The following HSPG2 variants were observed in gnomAD, a reference collection of about 807,000 sequenced individuals.
HSPG2 encodes basement membrane-specific heparan sulfate proteoglycan core protein.
Under a neutral mutation model 526.6 loss-of-function variants are expected in HSPG2, and 278 were observed. The ratio of observed to expected loss-of-function variants is 0.53; its 90% CI spans 0.48 to 0.58. HSPG2 has a LOEUF of 0.58. Ranked by LOEUF, HSPG2 falls within the 20% of genes least tolerant of loss-of-function variation. HSPG2 has a pLI of 0.00. For missense variants in HSPG2, 5,354 were observed against 6,099.5 expected (o/e 0.88, Z 4.07); for synonymous variants, 2,465 against 2,555.4 (o/e 0.96, Z 1.07).
rs776544461 is a variant in HSPG2, at chr1:21,857,301, C to T, written c.5378G>A (p.Cys1793Tyr). The change falls in exon 43 of 97, where the codon TGC becomes TAC. Residue 1793 changes from cysteine (C) to tyrosine (Y), a missense_variant. By Grantham distance (194) the Cys-to-Tyr change is radical (BLOSUM62 -2). Coordinates refer to ENST00000374695, the MANE Select transcript of HSPG2 (RefSeq NM_005529.7). ...CCTGCACACCTTGCTTTTGGCTGTG[C>T]AGATGAAGGTGACGTCAGCTCCGGG... ...VRPGADVTFI[C>Y]TAKSKSPAYT... is the part of the protein sequence containing the mutation. 5 of 1,614,112 alleles carry T rather than the reference C, an allele frequency of 3.1e-6. No individual in the cohort carries two copies. The highest frequency in any genetic ancestry group is 4.2e-6 in the Non-Finnish European group (5 of 1,180,014).
At position 21,887,362 on chromosome 1, in the gene HSPG2, A is replaced by G; in HGVS notation, c.959-28T>C. ...AGGAGACCGGGCAGGGGTCAGCAGCATCCTCCCGGGCCAGCTTCCTGCTCC... is the reference window on the plus strand; with the variant it reads ...AGGAGACCGGGCAGGGGTCAGCAGCGTCCTCCCGGGCCAGCTTCCTGCTCC... On this transcript the variant is annotated intron_variant, in intron 8 of 96. Transcript: ENST00000374695. This position sits in a 1 kb window ranked among gnomAD's most constrained non-coding sequence, Gnocchi z 5.0. The G allele has an allele frequency of 1.9e-6, 3 of 1,613,814 alleles. No individual in the cohort carries two copies. The highest frequency in any genetic ancestry group is 2.5e-6 in the Non-Finnish European group (3 of 1,179,906).
chr1:21,837,268 G>A (rs1203293572), intron 74 of HSPG2, among the ~76,000 whole-genome samples: 1 of 152,190 alleles, frequency 6.6e-6, no homozygotes, highest in Non-Finnish European at 1.5e-5. Flanking sequence ...GGCAGGCCAC[G>A]AAAAGAGTGG....
chr1:21,829,336 C>T, intron 87 of HSPG2, 47 bp downstream of exon 87: 1 of 1,581,540 alleles, frequency 6.3e-7, no homozygotes, highest in Non-Finnish European at 8.7e-7. Context: ...CCGAGGGGGG[C>T]ACAAGGCTTG....
chr1:21,915,481 T>C (rs763455271), intron 1 of HSPG2, among the ~76,000 whole-genome samples: 4 of 151,948 alleles, frequency 2.6e-5, no homozygotes, highest in African/African-American at 4.8e-5. Flanking sequence ...ATGGGTGTGG[T>C]CAGGCAAAGG....
At chr1:21,910,279 A>T (rs1372816976) in intron 1 of HSPG2, among the ~76,000 whole-genome samples, 1 of 152,106 alleles carries the variant, frequency 6.6e-6, no homozygotes, top group Admixed American at 6.5e-5. Flanking sequence ...ACCTTCCTGA[A>T]ATTGTTCCTG....
In HSPG2 at chr1:21,841,276, G is replaced by T; in HGVS notation, c.9338C>A (p.Thr3113Lys). 6.2e-7 allele frequency: 1 copy of T among 1,613,740 alleles called. No homozygotes were observed. The highest frequency in any genetic ancestry group is 8.5e-7 in the Non-Finnish European group (1 of 1,180,000). ...VVNLSVHGPP[T>K]VSVLPEGPVW... is the part of the protein sequence containing the mutation. ...GGGGCCCTCGGGGAGCACGGACACT[G>T]TAGGGGGCCCTGTGCGGAGGAATGA... Residue 3113 changes from threonine to lysine, a missense_variant, in exon 71 of 97, where the codon ACA becomes AAA. Transcript: ENST00000374695.
In HSPG2 at chr1:21,844,131, T is replaced by G. The variant is rs1242774600; in HGVS notation, c.8616+17A>C. On this transcript the variant is annotated intron_variant, in intron 65 of 96. Transcript: ENST00000374695. ...GCAGGTGTGGAGGATGCATGCATCC[T>G]TCTCCAGCTCCTTTACCTGGTGCCG... 1.2e-6 allele frequency: 2 copies of G among 1,612,122 alleles called. No individual in the cohort carries two copies. Among genetic ancestry groups the G allele is most frequent in the African/African-American group, 2.7e-5 (2 of 74,914 alleles).
intron 1 of HSPG2, among the ~76,000 whole-genome samples, chr1:21,911,596 G>A (rs1643685129): frequency 6.6e-6 from 1 of 152,244 alleles, no homozygotes; most frequent in African/African-American, 2.4e-5. Context: ...GGGAAGCCTG[G>A]GTGGAGAGGC....
chr1:21,872,994 G>A lies in HSPG2; in HGVS notation c.3888+3C>T. The A allele has an allele frequency of 1.2e-6, 2 of 1,611,088 alleles. No homozygotes were observed. Among genetic ancestry groups the A allele is most frequent in the Non-Finnish European group, 1.7e-6 (2 of 1,179,380 alleles). On this transcript the variant is annotated splice_donor_region_variant and intron_variant, in intron 31 of 96. Coordinates refer to ENST00000374695, the MANE Select transcript of HSPG2 (RefSeq NM_005529.7). The surrounding 1 kb of genome is among the most constrained non-coding windows in gnomAD (Gnocchi z 5.5). ...CCCCGCAGGGACAGGGATTCGGACT[G>A]ACCTTGCACTGGCACTGACCAGCAG... is the stretch of plus-strand genomic sequence containing the variant.
chr1:21,924,527 G>T (rs1387583847), intron 1 of HSPG2, among the ~76,000 whole-genome samples: 3 of 151,934 alleles, frequency 2.0e-5, no homozygotes, highest in Non-Finnish European at 4.4e-5. Context: ...AAGAACTCAG[G>T]GTCCCTTTCT....
chr1:21,834,743 C>T lies in HSPG2; in HGVS notation c.10656G>A (p.Gln3552=). 2 of 1,614,200 alleles carry T rather than the reference C, an allele frequency of 1.2e-6. No homozygotes were observed. The highest frequency in any genetic ancestry group is 2.2e-5 in the South Asian group (2 of 91,086). The change falls in exon 77 of 97, where the codon CAG becomes CAA. Residue 3552 remains glutamine, a synonymous_variant. Transcript: ENST00000374695. ...IAHVELADAG[Q]YRCTATNAAG... is the part of the protein sequence containing the mutation. Reference sequence around the variant, plus strand: ...CTGCGTTGGTGGCAGTGCAGCGATACTGTCCCGCATCAGCCAGCTCTACGT... The same window carrying T: ...CTGCGTTGGTGGCAGTGCAGCGATATTGTCCCGCATCAGCCAGCTCTACGT...
At chr1:21,873,789 G>A in intron 29 of HSPG2, 136 bp downstream of exon 29, 1 of 724,302 alleles carries the variant, frequency 1.4e-6, no homozygotes, top group Non-Finnish European at 2.3e-6. Context: ...GGAGCTGACT[G>A]TCTTCTGGGG....
rs768568677 is a variant in HSPG2 at position 21,876,353 on chromosome 1, C to T, written c.2879G>A (p.Ser960Asn). 3.4e-5 allele frequency: 55 copies of T among 1,613,454 alleles called. No homozygotes were observed. The highest frequency in any genetic ancestry group is 3.1e-5 in the Non-Finnish European group (36 of 1,179,836). ...PGHFSLTNAASTHTTNEGIFS... is the reference protein window; with the variant it reads ...PGHFSLTNAANTHTTNEGIFS... ...GATGCCCTCGTTGGTGGTGTGGGTG[C>T]TTGCGGCGTTGGTCAGGCTGAAGTG... Residue 960 changes from serine to asparagine, a missense_variant, in exon 23 of 97, where the codon AGC becomes AAC. Ser to Asn is a conservative substitution (Grantham distance 46, BLOSUM62 1). Coordinates refer to ENST00000374695, the MANE Select transcript of HSPG2 (RefSeq NM_005529.7).
At position 21,875,755 on chromosome 1, in the gene HSPG2, G is replaced by A. The variant is rs2152748424; in HGVS notation, c.3184-8C>T. On this transcript the variant is annotated splice_region_variant and splice_polypyrimidine_tract_variant and intron_variant, in intron 24 of 96. Coordinates refer to ENST00000374695, the MANE Select transcript of HSPG2 (RefSeq NM_005529.7). Reference sequence around the variant, plus strand: ...GGGCCGCTGCCATGCTTGCTGCCAAGGAGAGGACACATGTGCTCAGCCCCT... The same window carrying A: ...GGGCCGCTGCCATGCTTGCTGCCAAAGAGAGGACACATGTGCTCAGCCCCT... 1 of 1,605,878 alleles carries A rather than the reference G, an allele frequency of 6.2e-7. No homozygotes were observed. Among genetic ancestry groups the A allele is most frequent in the East Asian group, 2.2e-5 (1 of 44,886 alleles).
intron 70 of HSPG2, 73 bp from the exon 71 acceptor site, chr1:21,841,358 G>T: frequency 6.3e-7 from 1 of 1,593,142 alleles, no homozygotes; most frequent in East Asian, 2.2e-5. Context: ...ATGGCCTCCA[G>T]CTTAGTAACT....
At chr1:21,830,738 T>A in intron 85 of HSPG2, 2 of 384,072 alleles carry the variant, frequency 5.2e-6, no homozygotes, top group South Asian at 3.8e-5. Flanking sequence ...GGGGAGTGCC[T>A]GGGTGGCGGG....
rs373137902 is a variant in HSPG2, at chr1:21,885,443, G to A, written c.1087C>T (p.Arg363Cys). 1.4e-5 allele frequency: 22 copies of A among 1,613,874 alleles called. No homozygotes were observed. Among genetic ancestry groups the A allele is most frequent in the Admixed American group, 3.3e-5 (2 of 59,994 alleles). The change falls in exon 10 of 97, where the codon CGT (arginine) becomes TGT (cysteine). Residue 363 changes from arginine (R) to cysteine (C), a missense_variant. By Grantham distance (180) the Arg-to-Cys change is radical (BLOSUM62 -3). Transcript: ENST00000374695. ...GTGGGCCCGCACACTTCCTCAGGACGCTTGGTGGCTGGGGACAAAGCCAGG... is the reference window on the plus strand; with the variant it reads ...GTGGGCCCGCACACTTCCTCAGGACACTTGGTGGCTGGGGACAAAGCCAGG... The part of the protein sequence containing the change: ...RTDEANCPTK[R>C]PEEVCGPTQF...
intron 14 of HSPG2, 148 bp downstream of exon 14, chr1:21,881,191 T>C: frequency 2.0e-6 from 2 of 1,000,766 alleles, no homozygotes; most frequent in Non-Finnish European, 3.1e-6. Context: ...GGTCCTGCCC[T>C]GAATGGATGA....
At chr1:21,845,962 G>T (rs747338991) in intron 64 of HSPG2, 146 bp downstream of exon 64, 2 of 967,476 alleles carry the variant, frequency 2.1e-6, no homozygotes, top group Non-Finnish European at 3.2e-6. Context: ...TCCTGGGACC[G>T]TGTGGGTGGC....
Sources: allele counts gnomAD v4.1 joint callset (sites outside exome capture counted in the v4.1 genomes callset), GRCh38; gene constraint gnomAD v4.1.1; non-coding constraint Gnocchi (gnomAD v3.1); transcripts MANE v1.5; gene names NCBI Gene and HGNC (gene_info 2026-07-23, HGNC 2026-07-21).